WHRN: variants seen among roughly 807,000 people sequenced by gnomAD.
WHRN encodes the protein whirlin.
WHRN carries 41 observed loss-of-function variants against 68.3 expected under a neutral mutation model. The ratio of observed to expected loss-of-function variants is 0.60; its 90% CI spans 0.47 to 0.78. The LOEUF is 0.78. Ranked by LOEUF, WHRN falls within the 30% of genes least tolerant of loss-of-function variation. The pLI, the probability that WHRN is intolerant of heterozygous loss-of-function variation, is 0.00. For synonymous variants in WHRN, 560 were observed against 561.3 expected (o/e 1.00, Z 0.03); for missense variants, 1,243 against 1,244.7 (o/e 1.00, Z 0.02).
At chr9:114,480,682 TG>T (rs1842034893) in intron 1 of WHRN, among the ~76,000 whole-genome samples, 1 of 152,246 alleles carries the variant, frequency 6.6e-6, no homozygotes. Flanking sequence ...ACCATCTGGC[TG>T]TTTGAATAAA....
rs143449815 is a variant in WHRN, at chr9:114,458,152, G to A, written c.963+8115C>T. Among the ~76,000 whole-genome samples the A allele has an allele frequency of 3.6e-3, 546 of 152,172 alleles. 2 individuals are homozygous for A. Among genetic ancestry groups the A allele is most frequent in the Middle Eastern group, 0.014 (4 of 294 alleles). On this transcript the variant is annotated intron_variant, in intron 3 of 11. Transcript: ENST00000362057. ...TTGTAGAAAAGAGAAATAATTTACC[G>A]GGATGTGACAGCTGCCAGCAGGTGT...
intron 7 of WHRN, among the ~76,000 whole-genome samples, chr9:114,420,939 G>A (rs1301293933): frequency 1.3e-5 from 2 of 151,838 alleles, no homozygotes; most frequent in African/African-American, 2.4e-5. Context: ...CCCCTTCCAC[G>A]CTGCCTTTCC....
At chr9:114,480,760 C>T (rs990781811) in intron 1 of WHRN, among the ~76,000 whole-genome samples, 1 of 152,004 alleles carries the variant, frequency 6.6e-6, no homozygotes, top group Non-Finnish European at 1.5e-5. Context: ...GGTTGTAATG[C>T]CATGGAAATG....
chr9:114,454,542 G>A (rs1341135052), intron 3 of WHRN, among the ~76,000 whole-genome samples: 1 of 152,112 alleles, frequency 6.6e-6, no homozygotes, highest in Non-Finnish European at 1.5e-5. Flanking sequence ...AGTTTCTTCA[G>A]GCTGACAATT....
intron 3 of WHRN, among the ~76,000 whole-genome samples, chr9:114,430,044 C>T (rs773057690): frequency 1.4e-4 from 21 of 152,222 alleles, no homozygotes; most frequent in Non-Finnish European, 2.9e-4. Flanking sequence ...CTTTCGCTTT[C>T]GTTGCGCTAA....
At chr9:114,492,930 T>C (rs978682007) in intron 1 of WHRN, among the ~76,000 whole-genome samples, 1 of 152,044 alleles carries the variant, frequency 6.6e-6, no homozygotes, top group Non-Finnish European at 1.5e-5. Context: ...GGCAGGAGAA[T>C]TGCTTGAGCT....
At chr9:114,488,196 G>T in intron 1 of WHRN, among the ~76,000 whole-genome samples, 1 of 152,292 alleles carries the variant, frequency 6.6e-6, no homozygotes, top group South Asian at 2.1e-4. Flanking sequence ...ATTAAAAGGG[G>T]CCATAACGCC....
At chr9:114,433,040 G>A (rs567276302) in intron 3 of WHRN, among the ~76,000 whole-genome samples, 15 of 152,294 alleles carry the variant, frequency 9.8e-5, no homozygotes, top group East Asian at 3.9e-4. Context: ...TGAGGAAGCC[G>A]AGGACGGGAA....
intron 3 of WHRN, among the ~76,000 whole-genome samples, chr9:114,461,404 G>A (rs1204092431): frequency 6.6e-6 from 1 of 152,150 alleles, no homozygotes; most frequent in Non-Finnish European, 1.5e-5. Flanking sequence ...TAGCTATGTG[G>A]TTTTGCAGCC....
intron 6 of WHRN, among the ~76,000 whole-genome samples, chr9:114,423,749 T>C (rs1219111284): frequency 1.3e-5 from 2 of 152,166 alleles, no homozygotes; most frequent in African/African-American, 2.4e-5. Flanking sequence ...CAAGCACATG[T>C]AGCTGTGACT....
intron 1 of WHRN, chr9:114,491,844 TG>T: frequency 3.8e-6 from 1 of 263,554 alleles, no homozygotes. Flanking sequence ...GTCCCAGCCC[TG>T]ATGGCTTCCC....
At chr9:114,492,506 C>T (rs1033682228) in intron 1 of WHRN, among the ~76,000 whole-genome samples, 11 of 152,070 alleles carry the variant, frequency 7.2e-5, no homozygotes, top group East Asian at 1.9e-4. Context: ...CTTGGTGTAA[C>T]GAATAGGCTA....
chr9:114,423,788 A>G (rs1225196812), intron 6 of WHRN, among the ~76,000 whole-genome samples: 22 of 152,210 alleles, frequency 1.4e-4, no homozygotes, highest in Non-Finnish European at 3.2e-4. Context: ...ATTTCATGCC[A>G]CAAAGCCTCT....
At chr9:114,497,600 C>T (rs1843573223) in intron 1 of WHRN, among the ~76,000 whole-genome samples, 1 of 151,746 alleles carries the variant, frequency 6.6e-6, no homozygotes, top group Non-Finnish European at 1.5e-5. Context: ...TCATTGATTG[C>T]TTCAGAATGC....
intron 3 of WHRN, among the ~76,000 whole-genome samples, chr9:114,442,325 T>C (rs371280227): frequency 2.6e-5 from 4 of 152,324 alleles, no homozygotes; most frequent in African/African-American, 7.2e-5. Flanking sequence ...AATGTCCTGA[T>C]TGTGACCATT....
Position 114,404,059 on chromosome 9 carries a change from T to A in WHRN, c.2255A>T (p.Gln752Leu), listed in dbSNP as rs1407499903. 3 of 1,613,020 alleles carry A rather than the reference T, an allele frequency of 1.9e-6. No individual in the cohort carries two copies. In the African/African-American group the frequency reaches 4.0e-5, roughly 22 times the overall value. The change falls in exon 10 of 12, where the codon CAG becomes CTG. Residue 752 changes from glutamine (Q) to leucine (L), a missense_variant. Coordinates refer to ENST00000362057, the MANE Select transcript of WHRN (RefSeq NM_015404.4). ...TAGAGTCTGCCCGCTGTCCGAGAGC[T>A]GGGAGAGCGTAGAGGCTGCTGGAGA... ...PQTRTASTLSQLSDSGQTLSE... is the reference protein window; with the variant it reads ...PQTRTASTLSLLSDSGQTLSE...
intron 3 of WHRN, 127 bp from the exon 4 acceptor site, chr9:114,426,540 G>T: frequency 9.2e-7 from 1 of 1,084,488 alleles, no homozygotes; most frequent in Non-Finnish European, 1.4e-6. Flanking sequence ...GATCAGAGAG[G>T]ATGTGAGGAT....
At chr9:114,416,941 C>T (rs949539931) in intron 7 of WHRN, among the ~76,000 whole-genome samples, 3 of 152,208 alleles carry the variant, frequency 2.0e-5, no homozygotes, top group East Asian at 1.9e-4. Flanking sequence ...AAGCAGAACC[C>T]AGCTGGTAGG....
chr9:114,478,103 G>A (rs547573964), intron 2 of WHRN, among the ~76,000 whole-genome samples: 4 of 151,464 alleles, frequency 2.6e-5, no homozygotes, highest in East Asian at 1.9e-4. Context: ...GTTACATGAC[G>A]GAGAAAAAAA....
Sources: allele counts gnomAD v4.1 joint callset (sites outside exome capture counted in the v4.1 genomes callset), GRCh38; gene constraint gnomAD v4.1.1; transcripts MANE v1.5; gene names NCBI Gene and HGNC (gene_info 2026-07-23, HGNC 2026-07-21).